The following RAP1B variants were observed in gnomAD, a reference collection of about 807,000 sequenced individuals.
RAP1B encodes the protein ras-related protein Rap-1b.
In RAP1B, 1 loss-of-function variant was observed where a neutral mutation model predicts 27.5. The observed-to-expected ratio is 0.04, with a 90% CI of 0.01 to 0.17. The LOEUF is 0.17. Ranked by LOEUF, RAP1B falls within the 10% of genes least tolerant of loss-of-function variation. The pLI is 1.00. For missense variants in RAP1B, 84 were observed against 214.8 expected, an observed-to-expected ratio of 0.39 and a Z score of 3.81; for synonymous variants, 75 against 73.1, an observed-to-expected ratio of 1.03 and a Z score of -0.13.
Position 68,662,287 on chromosome 12 carries a change from C to A in RAP1B, c.*3038C>A, listed in dbSNP as rs1478877956. ...CAGAAAAGGCATGAATTCCTTTTCA[C>A]GTCCCCAAGGATACTTGAAGAAACT... is the stretch of plus-strand genomic sequence containing the variant. On this transcript the variant is annotated 3_prime_UTR_variant, in exon 8 of 8. Coordinates refer to ENST00000250559, the MANE Select transcript of RAP1B (RefSeq NM_001010942.3). 5.3e-5 allele frequency: 8 copies of A among 151,662 alleles called. No homozygotes were observed. Among genetic ancestry groups the A allele is most frequent in the Admixed American group, 5.2e-4 (8 of 15,242 alleles). 9.4% of individuals were successfully genotyped at this position (151,662 alleles called of 1,614,324 possible).
chr12:68,643,006 C>T (rs991266021), intron 1 of RAP1B: 3 of 786,470 alleles, frequency 3.8e-6, no homozygotes, highest in Non-Finnish European at 7.0e-6. Context: ...TGGGATTCTT[C>T]ACCGACCCTG....
chr12:68,643,910 C>G lies in RAP1B; in HGVS notation c.-26-4789C>G, dbSNP rs1293653853. 2.0e-5 allele frequency among the ~76,000 whole-genome samples: 3 copies of G among 152,062 alleles called. No homozygotes were observed. In the East Asian group the frequency reaches 5.8e-4, roughly 29 times the overall value. Reference sequence around the variant, plus strand: ...AAAAGGAAAAGAAAATTCCCTATCCCCCCACCTTGTCATGTATTTTTTTTC... The same window carrying G: ...AAAAGGAAAAGAAAATTCCCTATCCGCCCACCTTGTCATGTATTTTTTTTC... On this transcript the variant is annotated intron_variant, in intron 1 of 7. Coordinates refer to ENST00000250559, the MANE Select transcript of RAP1B (RefSeq NM_001010942.3).
At chr12:68,633,367 G>A (rs374429119) in intron 1 of RAP1B, among the ~76,000 whole-genome samples, 15 of 152,228 alleles carry the variant, frequency 9.9e-5, no homozygotes, top group African/African-American at 3.6e-4. Context: ...AGCCTTGCCT[G>A]GTAGTTCTTT....
rs1874742584 is a variant in RAP1B at position 68,664,032 on chromosome 12, T to C, written c.*4783T>C. ...TCTCCAAAAGGGTACGAAGACAGTT[T>C]TTACTATGTTGTTTTACTATGAACC... On this transcript the variant is annotated 3_prime_UTR_variant, in exon 8 of 8. Transcript: ENST00000250559. 1 of 152,234 alleles carries C rather than the reference T, an allele frequency of 6.6e-6. No individual in the cohort carries two copies. The highest frequency in any genetic ancestry group is 1.9e-4 in the East Asian group (1 of 5,204). The allele number at this position is 152,234 out of a possible 1,614,324, so 9.4% of individuals were successfully genotyped here. A position where few individuals can be genotyped will look rare whatever the true frequency, so the allele number is the denominator to read the frequency against.
Position 68,670,715 on chromosome 12 carries a change from G to GTA in RAP1B, c.*11469_*11470dup, listed in dbSNP as rs1875052788. The GTA allele has an allele frequency of 6.6e-6, 1 of 152,170 alleles. No homozygotes were observed. The highest frequency in any genetic ancestry group is 1.5e-5 in the Non-Finnish European group (1 of 68,030). 9.4% of individuals were successfully genotyped at this position (152,170 alleles called of 1,614,324 possible). A position where few individuals can be genotyped will look rare whatever the true frequency, so the allele number is the denominator to read the frequency against. ...ATATTGCAAAGTCAAATTTGGGAAA[G>GTA]TATAGCACAGATAAAAGATTAAACT... On this transcript the variant is annotated 3_prime_UTR_variant, in exon 8 of 8. Transcript: ENST00000250559.
chr12:68,662,053 G>T lies in RAP1B; in HGVS notation c.*2804G>T, dbSNP rs904694133. Reference sequence around the variant, plus strand: ...ATATATTATATATAGTACATATATAGAGAGAGTATATATATATATGTAGTA... The same window carrying T: ...ATATATTATATATAGTACATATATATAGAGAGTATATATATATATGTAGTA... On this transcript the variant is annotated 3_prime_UTR_variant, in exon 8 of 8. Coordinates refer to ENST00000250559, the MANE Select transcript of RAP1B (RefSeq NM_001010942.3). 9 of 144,262 alleles carry T rather than the reference G, an allele frequency of 6.2e-5. No individual in the cohort carries two copies. The highest frequency in any genetic ancestry group is 2.2e-4 in the South Asian group (1 of 4,594). 8.9% of individuals were successfully genotyped at this position (144,262 alleles called of 1,614,324 possible).
At chr12:68,625,518 T>C (rs958598155) in intron 1 of RAP1B, among the ~76,000 whole-genome samples, 1 of 152,260 alleles carries the variant, frequency 6.6e-6, no homozygotes, top group African/African-American at 2.4e-5. Context: ...GCAGGTTTAC[T>C]GGGGAATTTT....
chr12:68,625,351 T>A (rs555365758), intron 1 of RAP1B, among the ~76,000 whole-genome samples: 41 of 152,340 alleles, frequency 2.7e-4, no homozygotes, highest in African/African-American at 9.6e-4. Flanking sequence ...AAAACAACTT[T>A]ATAACACAAT....
chr12:68,620,144 C>CT (rs1205560157), intron 1 of RAP1B, among the ~76,000 whole-genome samples: 6 of 147,554 alleles, frequency 4.1e-5, no homozygotes, highest in Admixed American at 2.0e-4. Context: ...TAGAATGATC[C>CT]TTTTTTTACC....
chr12:68,667,843 A>G lies in RAP1B; in HGVS notation c.*8594A>G, dbSNP rs1874918686. ...TATTTTGTTAGAATAAAAAGCAATA[A>G]TACTTCCTGAAATACATCTTGGGCT... is the stretch of plus-strand genomic sequence containing the variant. On this transcript the variant is annotated 3_prime_UTR_variant, in exon 8 of 8. Transcript: ENST00000250559. 1 of 152,212 alleles carries G rather than the reference A, an allele frequency of 6.6e-6. No homozygotes were observed. The highest frequency in any genetic ancestry group is 6.5e-5 in the Admixed American group (1 of 15,282). The allele number at this position is 152,212 out of a possible 1,614,324, so 9.4% of individuals were successfully genotyped here.
intron 5 of RAP1B, among the ~76,000 whole-genome samples, chr12:68,654,999 G>C (rs1042088492): frequency 6.6e-6 from 1 of 152,020 alleles, no homozygotes; most frequent in Non-Finnish European, 1.5e-5. Context: ...AGTGGTGTTG[G>C]TTTTGCTGAT....
At position 68,662,884 on chromosome 12, in the gene RAP1B, G is replaced by A. The variant is rs1398582986; in HGVS notation, c.*3635G>A. Reference sequence around the variant, plus strand: ...ATGGTGGTGCACGTCTGTACCTGTAGTCCCAGCTATTCAGAAGGATTGCTT... The same window carrying A: ...ATGGTGGTGCACGTCTGTACCTGTAATCCCAGCTATTCAGAAGGATTGCTT... On this transcript the variant is annotated 3_prime_UTR_variant, in exon 8 of 8. Transcript: ENST00000250559. 1.3e-5 allele frequency: 2 copies of A among 151,790 alleles called. No individual in the cohort carries two copies. The highest frequency in any genetic ancestry group is 1.3e-4 in the Admixed American group (2 of 15,210). 9.4% of individuals were successfully genotyped at this position (151,790 alleles called of 1,614,324 possible).
chr12:68,644,326 C>T (rs1873237612), intron 1 of RAP1B, among the ~76,000 whole-genome samples: 1 of 152,138 alleles, frequency 6.6e-6, no homozygotes, highest in Non-Finnish European at 1.5e-5. Flanking sequence ...CACGGTGGCT[C>T]ACGCCTGTAA....
intron 1 of RAP1B, chr12:68,624,865 A>G (rs899899868): frequency 3.3e-5 from 5 of 152,376 alleles, no homozygotes; most frequent in African/African-American, 1.2e-4. Context: ...GATAGTGACA[A>G]GGATTGAAGT....
At chr12:68,631,705 CT>C (rs543114962) in intron 1 of RAP1B, among the ~76,000 whole-genome samples, 11 of 149,910 alleles carry the variant, frequency 7.3e-5, no homozygotes, top group East Asian at 3.9e-4. Context: ...AATATTGTAA[CT>C]TTTTTTTTTG....
At chr12:68,616,758 G>A (rs1871052969) in intron 1 of RAP1B, among the ~76,000 whole-genome samples, 1 of 151,656 alleles carries the variant, frequency 6.6e-6, no homozygotes, top group East Asian at 1.9e-4. Context: ...TTGTAGAGAC[G>A]TTTCGCCATG....
At chr12:68,617,075 G>A (rs1026977195) in intron 1 of RAP1B, among the ~76,000 whole-genome samples, 6 of 152,136 alleles carry the variant, frequency 3.9e-5, no homozygotes, top group African/African-American at 1.2e-4. Context: ...ATAATTATCT[G>A]TGTATTCTAA....
At chr12:68,616,986 A>G (rs922893803) in intron 1 of RAP1B, among the ~76,000 whole-genome samples, 4 of 152,204 alleles carry the variant, frequency 2.6e-5, no homozygotes, top group Admixed American at 6.5e-5. Context: ...ATGAAAGGAA[A>G]CATGTTTTGT....
chr12:68,657,884 C>T (rs1411156080), intron 7 of RAP1B, among the ~76,000 whole-genome samples: 1 of 152,106 alleles, frequency 6.6e-6, no homozygotes, highest in Non-Finnish European at 1.5e-5. Context: ...CACACACACA[C>T]ACACCCCTGA....
Sources: gnomAD v4.1 joint callset for allele counts (sites outside exome capture counted in the v4.1 genomes callset) on GRCh38, gnomAD v4.1.1 for gene constraint, MANE v1.5 for transcripts, NCBI Gene and HGNC (gene_info 2026-07-23, HGNC 2026-07-21) for gene names.